Variants in CALCOCO2 observed in about 807,000 individuals in gnomAD.
CALCOCO2 encodes the protein calcium binding and coiled-coil domain 2, also known as calcium-binding and coiled-coil domain-containing protein 2.
CALCOCO2 carries 42 observed loss-of-function variants against 62.5 expected under a neutral mutation model. That is an observed-to-expected ratio of 0.67 (90% CI 0.53 to 0.87). The LOEUF is 0.87. Ranked by LOEUF, CALCOCO2 falls within the 40% of genes least tolerant of loss-of-function variation. CALCOCO2 has a pLI of 0.00. For missense variants in CALCOCO2, 456 were observed against 515.0 expected (o/e 0.89, Z 1.11); for synonymous variants, 167 against 173.0 (o/e 0.97, Z 0.27).
intron 9 of CALCOCO2, among the ~76,000 whole-genome samples, chr17:48,853,951 C>T (rs2040168078): frequency 6.6e-6 from 1 of 152,142 alleles, no homozygotes; most frequent in Non-Finnish European, 1.5e-5. Context: ...GATTACATTT[C>T]TTGCCTGCTC....
intron 1 of CALCOCO2, among the ~76,000 whole-genome samples, chr17:48,838,845 G>C (rs1020072060): frequency 6.6e-6 from 1 of 152,028 alleles, no homozygotes; most frequent in Non-Finnish European, 1.5e-5. Context: ...TTCATCTTCT[G>C]TGTACAACTG....
chr17:48,853,360 G>A, intron 9 of CALCOCO2: 1 of 167,244 alleles, frequency 6.0e-6, no homozygotes, highest in Non-Finnish European at 1.3e-5. Flanking sequence ...CTCTACGACA[G>A]GAAAATATAC....
intron 1 of CALCOCO2, among the ~76,000 whole-genome samples, chr17:48,832,977 G>C (rs2039837627): frequency 6.6e-6 from 1 of 152,102 alleles, no homozygotes; most frequent in African/African-American, 2.4e-5. Context: ...GGCCTCCTGG[G>C]GTGTAAAATT....
In CALCOCO2 at chr17:48,856,066, A is replaced by C. The variant is rs763808058; in HGVS notation, c.913-26A>C. The C allele has an allele frequency of 1.6e-6, 2 of 1,290,204 alleles. 1 individual carries two copies. The highest frequency in any genetic ancestry group is 2.5e-5 in the South Asian group (2 of 81,264). The allele number at this position is 1,290,204 out of a possible 1,614,324, so 79.9% of individuals were successfully genotyped here. ...ACCCAGACTGCAATATGTGATCCTA[A>C]TCCTAATTTTTTTTATTGTTGACAG... On this transcript the variant is annotated intron_variant, in intron 9 of 12. Coordinates refer to ENST00000258947, the MANE Select transcript of CALCOCO2 (RefSeq NM_005831.5).
At position 48,852,634 on chromosome 17, in the gene CALCOCO2, G is replaced by C. The variant is rs576003823; in HGVS notation, c.825+6G>C. 3.9e-5 allele frequency: 62 copies of C among 1,609,086 alleles called. No homozygotes were observed. In the South Asian group the frequency reaches 6.2e-4, roughly 16 times the overall value. On this transcript the variant is annotated splice_donor_region_variant and intron_variant, in intron 8 of 12. Transcript: ENST00000258947. ...TTCTCAGTTTAACTGAACAGGTAGA[G>C]TCATGAGAGAAAACAACACTTTTAG...
intron 1 of CALCOCO2, among the ~76,000 whole-genome samples, chr17:48,834,774 G>A (rs1477117116): frequency 6.6e-6 from 1 of 151,868 alleles, no homozygotes; most frequent in Non-Finnish European, 1.5e-5. Flanking sequence ...TGGGCCAGGT[G>A]TAGTGACTCA....
Position 48,848,565 on chromosome 17 carries a change from G to T in CALCOCO2, c.417+110G>T, listed in dbSNP as rs992030873. 4.6e-5 allele frequency: 45 copies of T among 988,680 alleles called. No homozygotes were observed. The South Asian group carries it at 6.2e-4, about 14-fold the overall frequency. 61.2% of individuals were successfully genotyped at this position (988,680 alleles called of 1,614,324 possible). A position where few individuals can be genotyped will look rare whatever the true frequency, so the allele number is the denominator to read the frequency against. On this transcript the variant is annotated intron_variant, in intron 4 of 12. Coordinates refer to ENST00000258947, the MANE Select transcript of CALCOCO2 (RefSeq NM_005831.5). ...TATTGAATATCTAACGGGTATCATT[G>T]GAAAAAATGTATGTAGTACTCACAC... is the stretch of plus-strand genomic sequence containing the variant.
rs141252145 is a variant in CALCOCO2, at chr17:48,853,821, G to A, written c.912+809G>A. Among the ~76,000 whole-genome samples the A allele has an allele frequency of 3.2e-3, 491 of 152,314 alleles. 3 individuals carry two copies. The highest frequency in any genetic ancestry group is 0.011 in the African/African-American group (456 of 41,570). ...TTCCTTTGGGAAATGAAGGGACCTA[G>A]CAACATTGAGCCCACATTCCTGTGC... is the stretch of plus-strand genomic sequence containing the variant. On this transcript the variant is annotated intron_variant, in intron 9 of 12. Transcript: ENST00000258947.
At chr17:48,836,546 A>G (rs1465503709) in intron 1 of CALCOCO2, among the ~76,000 whole-genome samples, 1 of 152,112 alleles carries the variant, frequency 6.6e-6, no homozygotes, top group Non-Finnish European at 1.5e-5. Context: ...TGATTACTAC[A>G]CCTTAGGCAT....
At chr17:48,844,947 C>A (rs367704764) in intron 2 of CALCOCO2, among the ~76,000 whole-genome samples, 7 of 152,208 alleles carry the variant, frequency 4.6e-5, no homozygotes, top group African/African-American at 1.7e-4. Flanking sequence ...ACCAGCCTGG[C>A]GAACATGGTG....
chr17:48,845,183 T>A (rs2040030724), intron 2 of CALCOCO2, among the ~76,000 whole-genome samples: 1 of 152,074 alleles, frequency 6.6e-6, no homozygotes, highest in Admixed American at 6.6e-5. Context: ...GAATGCTTCA[T>A]ACATTTCAGA....
intron 11 of CALCOCO2, 152 bp from the exon 12 acceptor site, chr17:48,862,124 A>G: frequency 1.4e-6 from 1 of 695,528 alleles, no homozygotes. Context: ...CCCCTCTATC[A>G]GAAGTAACGG....
intron 2 of CALCOCO2, among the ~76,000 whole-genome samples, chr17:48,843,273 C>T (rs57456822): frequency 0.012 from 1,795 of 152,170 alleles, 36 homozygotes; most frequent in African/African-American, 0.04. Context: ...CGTGTCTTTC[C>T]CTCTTATACA....
At chr17:48,854,406 T>A (rs1163179903) in intron 9 of CALCOCO2, among the ~76,000 whole-genome samples, 413 of 8,732 alleles carry the variant, frequency 0.047, 35 homozygotes, top group African/African-American at 0.1. Flanking sequence ...ATTTTTTTTT[T>A]TTTTTTTTTT....
intron 1 of CALCOCO2, chr17:48,839,644 C>T (rs35513298): frequency 0.35 from 49,532 of 142,224 alleles, 10,708 homozygotes; most frequent in Non-Finnish European, 0.5. Context: ...CCACAGTGCC[C>T]GGCCTTTTTT....
chr17:48,858,878 T>C (rs2040282936), intron 10 of CALCOCO2, among the ~76,000 whole-genome samples: 1 of 151,350 alleles, frequency 6.6e-6, no homozygotes, highest in South Asian at 2.1e-4. Flanking sequence ...ACCTCATCTC[T>C]ACTAAAAATA....
At position 48,864,031 on chromosome 17, in the gene CALCOCO2, GT is replaced by G. The variant is rs2040360988; in HGVS notation, c.*1029del. The G allele has an allele frequency of 6.8e-6, 1 of 146,852 alleles. No individual in the cohort carries two copies. Among genetic ancestry groups the G allele is most frequent in the Non-Finnish European group, 1.5e-5 (1 of 66,620 alleles). The allele number at this position is 146,852 out of a possible 1,614,324, so 9.1% of individuals were successfully genotyped here. ...TGGGGAAGGAGGTGATGAAACATTAGTTTGTGAAATCCAAGGCCCTGGCTTG... is the reference window on the plus strand; with the variant it reads ...TGGGGAAGGAGGTGATGAAACATTAGTTGTGAAATCCAAGGCCCTGGCTTG... On this transcript the variant is annotated 3_prime_UTR_variant, in exon 13 of 13. Transcript: ENST00000258947.
At position 48,855,420 on chromosome 17, in the gene CALCOCO2, T is replaced by G. The variant is rs80031552; in HGVS notation, c.913-672T>G. Among the ~76,000 whole-genome samples, 1,470 of 152,228 alleles carry G rather than the reference T, an allele frequency of 9.7e-3. 17 individuals are homozygous for G. Among genetic ancestry groups the G allele is most frequent in the Non-Finnish European group, 0.016 (1,121 of 67,986 alleles). On this transcript the variant is annotated intron_variant, in intron 9 of 12. Transcript: ENST00000258947. ...AGCAGTTTGGGCACCAGCATTCAAATAAAAAATCTTGGATGAAAAACCACA... is the reference window on the plus strand; with the variant it reads ...AGCAGTTTGGGCACCAGCATTCAAAGAAAAAATCTTGGATGAAAAACCACA...
Position 48,862,267 on chromosome 17 carries a change from T to C in CALCOCO2, c.1145-9T>C. 1.9e-6 allele frequency: 3 copies of C among 1,562,282 alleles called. No homozygotes were observed. Among genetic ancestry groups the C allele is most frequent in the Non-Finnish European group, 2.6e-6 (3 of 1,132,852 alleles). Reference sequence around the variant, plus strand: ...TCTCATTGAATGAGATCTTTTTTATTCTTTTCAGGTATCCAAGAAAGTTCT... The same window carrying C: ...TCTCATTGAATGAGATCTTTTTTATCCTTTTCAGGTATCCAAGAAAGTTCT... On this transcript the variant is annotated splice_polypyrimidine_tract_variant and intron_variant, in intron 11 of 12. Transcript: ENST00000258947.
Sources: allele counts gnomAD v4.1 joint callset (sites outside exome capture counted in the v4.1 genomes callset), GRCh38; gene constraint gnomAD v4.1.1; transcripts MANE v1.5; gene names NCBI Gene and HGNC (gene_info 2026-07-23, HGNC 2026-07-21).